Variants in SPATA1 observed in about 807,000 individuals in gnomAD.
SPATA1 encodes the protein spermatogenesis-associated protein 1.
In SPATA1, 57 loss-of-function variants were observed where a neutral mutation model predicts 59.6. The ratio of observed to expected loss-of-function variants is 0.96; its 90% CI spans 0.77 to 1.19. SPATA1 has a LOEUF of 1.19. SPATA1 is among the 50% of genes most tolerant of loss of function. The pLI, the probability that SPATA1 is intolerant of heterozygous loss-of-function variation, is 0.00. For missense variants in SPATA1, 448 were observed against 480.7 expected, an observed-to-expected ratio of 0.93 and a Z score of 0.64; for synonymous variants, 147 against 163.9, an observed-to-expected ratio of 0.90 and a Z score of 0.79.
intron 6 of SPATA1, among the ~76,000 whole-genome samples, chr1:84,530,179 C>T (rs186654912): frequency 1.3e-5 from 2 of 152,208 alleles, no homozygotes; most frequent in Non-Finnish European, 2.9e-5. Context: ...CGCGCCTGGC[C>T]GAGCCTAAGA....
intron 6 of SPATA1, among the ~76,000 whole-genome samples, chr1:84,528,539 CTATT>C (rs1217808553): frequency 6.6e-6 from 1 of 152,106 alleles, no homozygotes; most frequent in African/African-American, 2.4e-5. Context: ...TCAACCATAC[CTATT>C]TATTTTCATT....
intron 1 of SPATA1, among the ~76,000 whole-genome samples, chr1:84,508,137 G>A (rs930583996): frequency 3.9e-5 from 6 of 152,054 alleles, no homozygotes; most frequent in Admixed American, 2.6e-4. Context: ...AAATTAGCTG[G>A]GCGTGGTGGT....
intron 10 of SPATA1, among the ~76,000 whole-genome samples, chr1:84,547,525 G>C (rs977136373): frequency 5.3e-5 from 8 of 152,150 alleles, no homozygotes; most frequent in African/African-American, 1.9e-4. Flanking sequence ...GCTTTGATCA[G>C]AGCTGAGAAT....
intron 2 of SPATA1, among the ~76,000 whole-genome samples, chr1:84,518,292 A>G (rs966435462): frequency 2.0e-5 from 3 of 152,140 alleles, no homozygotes; most frequent in Non-Finnish European, 4.4e-5. Context: ...GACAATTGGG[A>G]AAATTTAAAT....
chr1:84,526,218 A>G, intron 6 of SPATA1, 145 bp downstream of exon 6: 1 of 638,344 alleles, frequency 1.6e-6, no homozygotes, highest in South Asian at 3.2e-5. Flanking sequence ...GGGGATTTCT[A>G]AAAAAATATT....
intron 1 of SPATA1, among the ~76,000 whole-genome samples, chr1:84,514,719 C>G (rs1050782467): frequency 1.3e-5 from 2 of 152,066 alleles, no homozygotes; most frequent in African/African-American, 4.8e-5. Context: ...GCCTGTAATC[C>G]CAGCACTTTG....
intron 4 of SPATA1, among the ~76,000 whole-genome samples, chr1:84,562,252 G>A (rs189122317): frequency 6.6e-6 from 1 of 152,268 alleles, no homozygotes; most frequent in East Asian, 1.9e-4. Context: ...GCACACATGT[G>A]CATCTGTGTG....
chr1:84,528,516 A>G (rs1683326741), intron 6 of SPATA1, among the ~76,000 whole-genome samples: 1 of 152,168 alleles, frequency 6.6e-6, no homozygotes. Context: ...TCTCTTACTC[A>G]ACATTGTAAG....
chr1:84,560,985 A>G (rs756999588), intron 4 of SPATA1, among the ~76,000 whole-genome samples: 3 of 152,240 alleles, frequency 2.0e-5, no homozygotes, highest in Non-Finnish European at 2.9e-5. Context: ...ATGCCTGCTA[A>G]CACAACATCC....
chr1:84,552,568 A>G (rs1471547125), intron 12 of SPATA1: 1 of 152,254 alleles, frequency 6.6e-6, no homozygotes, highest in African/African-American at 2.4e-5. Flanking sequence ...TGAAAAAAAA[A>G]TAAGAGACTA....
intron 1 of SPATA1, among the ~76,000 whole-genome samples, chr1:84,510,385 G>C (rs949649256): frequency 2.0e-5 from 3 of 152,126 alleles, no homozygotes; most frequent in African/African-American, 7.2e-5. Flanking sequence ...ACTTACAAAT[G>C]GCAAACAGGT....
intron 7 of SPATA1, among the ~76,000 whole-genome samples, chr1:84,533,208 T>C (rs1021665418): frequency 1.2e-4 from 19 of 152,146 alleles, no homozygotes; most frequent in African/African-American, 4.1e-4. Context: ...ACTTTTATCA[T>C]TGGGACAACT....
chr1:84,551,287 T>C (rs1454434069), intron 12 of SPATA1: 1 of 980,208 alleles, frequency 1.0e-6, no homozygotes, highest in African/African-American at 1.7e-5. Flanking sequence ...GAATAATGAC[T>C]GCATTCTAGA....
intron 11 of SPATA1, chr1:84,549,500 G>A (rs1347827147): frequency 6.6e-6 from 1 of 152,100 alleles, no homozygotes; most frequent in Non-Finnish European, 1.5e-5. Context: ...GACAAACAGT[G>A]TCTGCTATAG....
chr1:84,561,245 G>A (rs1684589404), intron 4 of SPATA1, among the ~76,000 whole-genome samples: 1 of 152,178 alleles, frequency 6.6e-6, no homozygotes, highest in South Asian at 2.1e-4. Flanking sequence ...CAACCCTCAT[G>A]GATGACATTG....
intron 4 of SPATA1, among the ~76,000 whole-genome samples, chr1:84,523,640 C>T (rs558684078): frequency 2.6e-5 from 4 of 152,206 alleles, no homozygotes; most frequent in African/African-American, 9.6e-5. Flanking sequence ...GCATTTTCTT[C>T]CAAAGTACTA....
intron 8 of SPATA1, among the ~76,000 whole-genome samples, 159 bp downstream of exon 8, chr1:84,533,925 A>T (rs540093171): frequency 4.1e-4 from 62 of 152,204 alleles, no homozygotes; most frequent in Non-Finnish European, 6.8e-4. Context: ...GTTTTTATAA[A>T]TAAGGTAACA....
chr1:84,516,297 A>C, exon 2 of SPATA1: 1 of 1,417,470 alleles, frequency 7.1e-7, no homozygotes, highest in Middle Eastern at 2.1e-4. Context: ...TACTTAAATG[A>C]AGAAAGATAA....
intron 10 of SPATA1, among the ~76,000 whole-genome samples, chr1:84,546,814 C>G (rs949235761): frequency 3.3e-5 from 5 of 151,878 alleles, no homozygotes; most frequent in Admixed American, 2.6e-4. Context: ...TGTGTGTGTG[C>G]CTTGCTTTTA....
Sources: allele counts gnomAD v4.1 joint callset (sites outside exome capture counted in the v4.1 genomes callset), GRCh38; gene constraint gnomAD v4.1.1; transcripts MANE v1.5; gene names NCBI Gene and HGNC (gene_info 2026-07-23, HGNC 2026-07-21).